FBXL16: variants seen among roughly 807,000 people sequenced by gnomAD.
FBXL16 encodes the protein F-box and leucine rich repeat protein 16.
In FBXL16, 7 loss-of-function variants were observed where a neutral mutation model predicts 36.7. The observed-to-expected ratio is 0.19, with a 90% CI of 0.11 to 0.36. FBXL16 has a LOEUF of 0.36. Among genes scored for constraint, FBXL16 ranks in the 10% least tolerant of loss-of-function variants. The probability of loss-of-function intolerance (pLI) is 1.00; values close to 1 mark genes in which losing one functional copy is unlikely to be tolerated. For synonymous variants in FBXL16, 355 were observed against 308.7 expected (o/e 1.15, Z -1.57); for missense variants, 463 against 659.4 (o/e 0.70, Z 3.26).
At position 695,007 on chromosome 16, in the gene FBXL16, C is replaced by T. The variant is rs2039999674; in HGVS notation, c.1212G>A (p.Leu404=). Residue 404 remains leucine, a synonymous_variant, in exon 4 of 6, where the codon CTG becomes CTA. Coordinates refer to ENST00000397621, the MANE Select transcript of FBXL16 (RefSeq NM_153350.4). ...STMSSLRSLY[L]RWCCQVQDFG... is the part of the protein sequence containing the mutation. Reference sequence around the variant, plus strand: ...GAGCCGGTACCTGGCAGCACCATCGCAGGTAGAGGCTGCGGAGGGACGACA... The same window carrying T: ...GAGCCGGTACCTGGCAGCACCATCGTAGGTAGAGGCTGCGGAGGGACGACA... 1 of 1,552,380 alleles carries T rather than the reference C, an allele frequency of 6.4e-7. No homozygotes were observed. Among genetic ancestry groups the T allele is most frequent in the African/African-American group, 1.4e-5 (1 of 73,550 alleles).
chr16:698,432 C>G (rs1457756501), intron 1 of FBXL16, among the ~76,000 whole-genome samples: 1 of 152,244 alleles, frequency 6.6e-6, no homozygotes, highest in African/African-American at 2.4e-5. Context: ...CTCTCTTGAC[C>G]TCTCTGCTGT....
Position 705,600 on chromosome 16 carries a change from C to T in FBXL16, c.-103G>A, listed in dbSNP as rs1165832169. 2 of 149,380 alleles carry T rather than the reference C, an allele frequency of 1.3e-5. No homozygotes were observed. Among genetic ancestry groups the T allele is most frequent in the African/African-American group, 2.4e-5 (1 of 40,984 alleles). The allele number at this position is 149,380 out of a possible 1,614,324, so 9.3% of individuals were successfully genotyped here. ...CGGCATGGGCGTCGGCGCGCGGGGGCCGCCGGGGTGCTGGACTGGCCGGCA... is the reference window on the plus strand; with the variant it reads ...CGGCATGGGCGTCGGCGCGCGGGGGTCGCCGGGGTGCTGGACTGGCCGGCA... On this transcript the variant is annotated 5_prime_UTR_variant, in exon 1 of 6. Coordinates refer to ENST00000397621, the MANE Select transcript of FBXL16 (RefSeq NM_153350.4).
At position 696,927 on chromosome 16, in the gene FBXL16, AG is replaced by A; in HGVS notation, c.478del (p.Leu160CysfsTer39). 6.2e-7 allele frequency: 1 copy of A among 1,607,918 alleles called. No individual in the cohort carries two copies. Among genetic ancestry groups the A allele is most frequent in the Non-Finnish European group, 8.5e-7 (1 of 1,178,372 alleles). On this transcript the variant is annotated frameshift_variant, in exon 2 of 6. Transcript: ENST00000397621. LOFTEE classifies it high-confidence loss of function. ...LPGGEKEFVN[L>X]QGFAARGFEG... ...GAAGCCTCTGGCGGCAAAACCCTGC[AG>A]GTTCACGAACTCCTTCTCGCCACCA...
Position 697,993 on chromosome 16 carries a change from C to T in FBXL16, c.-14-574G>A, listed in dbSNP as rs188735995. On this transcript the variant is annotated intron_variant, in intron 1 of 5. Coordinates refer to ENST00000397621, the MANE Select transcript of FBXL16 (RefSeq NM_153350.4). This position sits in a 1 kb window ranked among gnomAD's most constrained non-coding sequence, Gnocchi z 4.6. ...CCAGCCTGGGCAACTGAGCAAGACTCTGTCTCAAAAAAAAAAAAAAGAAAC... is the reference window on the plus strand; with the variant it reads ...CCAGCCTGGGCAACTGAGCAAGACTTTGTCTCAAAAAAAAAAAAAAGAAAC... Among the ~76,000 whole-genome samples, 1 of 149,816 alleles carries T rather than the reference C, an allele frequency of 6.7e-6. No homozygotes were observed. The highest frequency in any genetic ancestry group is 2.5e-5 in the African/African-American group (1 of 40,256).
chr16:703,620 C>T (rs1219229340), intron 1 of FBXL16, among the ~76,000 whole-genome samples: 1 of 152,230 alleles, frequency 6.6e-6, no homozygotes, highest in Admixed American at 6.5e-5. Context: ...ACACCCGCGT[C>T]CCTGCCACTT....
At chr16:700,449 C>A (rs1001405810) in intron 1 of FBXL16, among the ~76,000 whole-genome samples, 17 of 152,078 alleles carry the variant, frequency 1.1e-4, no homozygotes, top group Non-Finnish European at 1.6e-4. Flanking sequence ...CGGCTGGGGT[C>A]GGCACATGAT....
intron 1 of FBXL16, among the ~76,000 whole-genome samples, chr16:700,746 G>A (rs1450698368): frequency 9.9e-5 from 15 of 152,172 alleles, no homozygotes; most frequent in Admixed American, 9.8e-4. Flanking sequence ...AGGGACGCCT[G>A]GGCCTCCGCA....
chr16:701,553 G>A (rs898562904), intron 1 of FBXL16, among the ~76,000 whole-genome samples: 1 of 152,230 alleles, frequency 6.6e-6, no homozygotes, highest in Non-Finnish European at 1.5e-5. Flanking sequence ...CCCGTTCAGC[G>A]AGAAGTCCCT....
At chr16:701,811 G>A (rs1308068917) in intron 1 of FBXL16, among the ~76,000 whole-genome samples, 2 of 152,216 alleles carry the variant, frequency 1.3e-5, no homozygotes, top group African/African-American at 4.8e-5. Flanking sequence ...AGGTGGCCAT[G>A]CCTGCACCAT....
chr16:694,150 T>C lies in FBXL16; in HGVS notation c.*125A>G. On this transcript the variant is annotated 3_prime_UTR_variant, in exon 6 of 6. Transcript: ENST00000397621. ...GGGCTTTCCCTCGGCTCGCCCCGCCTCCCGCGCTGGGCCGGGGGCGCGGGG... is the reference window on the plus strand; with the variant it reads ...GGGCTTTCCCTCGGCTCGCCCCGCCCCCCGCGCTGGGCCGGGGGCGCGGGG... 1.6e-5 allele frequency: 10 copies of C among 613,180 alleles called. No individual in the cohort carries two copies. 38.0% of individuals were successfully genotyped at this position (613,180 alleles called of 1,614,324 possible). A position where few individuals can be genotyped will look rare whatever the true frequency, so the allele number is the denominator to read the frequency against.
At position 694,432 on chromosome 16, in the gene FBXL16, G is replaced by T; in HGVS notation, c.1292-9C>A. The T allele has an allele frequency of 6.5e-7, 1 of 1,538,624 alleles. No individual in the cohort carries two copies. Among genetic ancestry groups the T allele is most frequent in the Admixed American group, 2.2e-5 (1 of 44,796 alleles). On this transcript the variant is annotated splice_polypyrimidine_tract_variant and intron_variant, in intron 5 of 5. Transcript: ENST00000397621. Reference sequence around the variant, plus strand: ...GGTGAGCAGCGGGCAGCCTGCGGCGGGGTCAGAGGGCGGCTCAGTGCGCGC... The same window carrying T: ...GGTGAGCAGCGGGCAGCCTGCGGCGTGGTCAGAGGGCGGCTCAGTGCGCGC...
chr16:702,700 G>T (rs566527207), intron 1 of FBXL16, among the ~76,000 whole-genome samples: 1 of 152,216 alleles, frequency 6.6e-6, no homozygotes, highest in Non-Finnish European at 1.5e-5. Context: ...GCCAGTGTCC[G>T]CGGGGAGAGT....
At position 697,197 on chromosome 16, in the gene FBXL16, G is replaced by A. The variant is rs771865644; in HGVS notation, c.209C>T (p.Ala70Val). The part of the protein sequence containing the change: ...LAAPLSRAAL[A>V]GGPCTPAGGP... ...ACCTGCCGGGGTGCACGGGCCCCCAGCCAGGGCAGCCCGGGACAGTGGAGC... is the reference window on the plus strand; with the variant it reads ...ACCTGCCGGGGTGCACGGGCCCCCAACCAGGGCAGCCCGGGACAGTGGAGC... The change falls in exon 2 of 6, where the codon GCT (alanine) becomes GTT (valine). Residue 70 changes from alanine (A) to valine (V), a missense_variant. Transcript: ENST00000397621. This position sits in a 1 kb window ranked among gnomAD's most constrained non-coding sequence, Gnocchi z 4.6. 2 of 1,540,550 alleles carry A rather than the reference G, an allele frequency of 1.3e-6. No homozygotes were observed. Among genetic ancestry groups the A allele is most frequent in the Non-Finnish European group, 1.7e-6 (2 of 1,148,704 alleles).
At chr16:695,968 G>A (rs1351890559) in intron 2 of FBXL16, 45 bp from the exon 3 acceptor site, 2 of 1,537,970 alleles carry the variant, frequency 1.3e-6, no homozygotes, top group Middle Eastern at 1.9e-4. Context: ...GAGAAGGGGT[G>A]GAGCCCGCAG....
chr16:701,917 C>T (rs1220436768), intron 1 of FBXL16, among the ~76,000 whole-genome samples: 1 of 152,194 alleles, frequency 6.6e-6, no homozygotes, highest in East Asian at 1.9e-4. Flanking sequence ...GAGGTGGCCC[C>T]ACCTCAGCTG....
Position 695,458 on chromosome 16 carries a change from C to A in FBXL16, c.1099G>T (p.Val367Leu), listed in dbSNP as rs906892556. 1.7e-5 allele frequency: 26 copies of A among 1,564,680 alleles called. No individual in the cohort carries two copies. Among genetic ancestry groups the A allele is most frequent in the South Asian group, 2.3e-5 (2 of 86,770 alleles). ...PRITDMALEYVACDLHRLEEL... is the reference protein window; with the variant it reads ...PRITDMALEYLACDLHRLEEL... ...TCTAGGCGGTGCAGGTCGCAGGCCA[C>A]GTACTCCAGCGCCATGTCGGTGATG... The change falls in exon 3 of 6, where the codon GTG becomes TTG. Residue 367 changes from valine to leucine, a missense_variant. Around this residue, in one of 3 missense-constraint regions of FBXL16, gnomAD observed 134 missense variants for 172.0 expected, o/e 0.78. Coordinates refer to ENST00000397621, the MANE Select transcript of FBXL16 (RefSeq NM_153350.4).
chr16:701,440 T>C (rs1188530725), intron 1 of FBXL16, among the ~76,000 whole-genome samples: 2 of 151,932 alleles, frequency 1.3e-5, no homozygotes, highest in Non-Finnish European at 2.9e-5. Flanking sequence ...AGCCCGAATA[T>C]CCCCCACCCC....
In FBXL16 at chr16:693,248, G is replaced by A. The variant is rs2039984449; in HGVS notation, c.*1027C>T. ...GTCTAGGGTGTGCTGGCCACTGGAA[G>A]ATTGGAGTCGCTGACCCAGTGCTGA... On this transcript the variant is annotated 3_prime_UTR_variant, in exon 6 of 6. Transcript: ENST00000397621. The A allele has an allele frequency of 6.6e-6, 1 of 152,434 alleles. No homozygotes were observed. The highest frequency in any genetic ancestry group is 2.4e-5 in the African/African-American group (1 of 41,580). 9.4% of individuals were successfully genotyped at this position (152,434 alleles called of 1,614,324 possible).
chr16:694,939 C>T lies in FBXL16; in HGVS notation c.1227+53G>A, dbSNP rs1272625663. ...TCTGAGTGGGGCCGGGAGCTCTCCC[C>T]GCGCCCCCACCTCCCCGCCGATCCC... is the stretch of plus-strand genomic sequence containing the variant. On this transcript the variant is annotated intron_variant, in intron 4 of 5. Transcript: ENST00000397621. The T allele has an allele frequency of 4.1e-6, 6 of 1,474,656 alleles. No homozygotes were observed. The African/African-American group carries it at 8.5e-5, about 21-fold the overall frequency. The allele number at this position is 1,474,656 out of a possible 1,614,324, so 91.3% of individuals were successfully genotyped here.
Sources: gnomAD v4.1 joint callset for allele counts (sites outside exome capture counted in the v4.1 genomes callset) on GRCh38, gnomAD v4.1.1 for gene constraint, gnomAD v4.1.1 regional missense constraint, Gnocchi (gnomAD v3.1) non-coding constraint, MANE v1.5 for transcripts, NCBI Gene and HGNC (gene_info 2026-07-23, HGNC 2026-07-21) for gene names.